ERBB4: variants seen among roughly 807,000 people sequenced by gnomAD.
The protein encoded by ERBB4 is receptor tyrosine-protein kinase erbB-4.
ERBB4 carries 42 observed loss-of-function variants against 158.0 expected under a neutral mutation model. That is an observed-to-expected ratio of 0.27 (90% CI 0.21 to 0.34). ERBB4 has a LOEUF of 0.34. Among genes scored for constraint, ERBB4 ranks in the 10% least tolerant of loss-of-function variants. The pLI, the probability that ERBB4 is intolerant of heterozygous loss-of-function variation, is 1.00. For synonymous variants in ERBB4, 583 were observed against 558.7 expected, an observed-to-expected ratio of 1.04 and a Z score of -0.61; for missense variants, 1,333 against 1,624.1, an observed-to-expected ratio of 0.82 and a Z score of 3.08.
At chr2:212,347,721 G>A (rs972721750) in intron 1 of ERBB4, among the ~76,000 whole-genome samples, 2 of 152,110 alleles carry the variant, frequency 1.3e-5, no homozygotes, top group Non-Finnish European at 2.9e-5. Flanking sequence ...TGCTCAATAA[G>A]TTTTGGGTTT....
intron 1 of ERBB4, among the ~76,000 whole-genome samples, chr2:212,156,978 G>C (rs944281333): frequency 9.2e-5 from 14 of 152,034 alleles, no homozygotes; most frequent in African/African-American, 3.4e-4. Context: ...AACCCTGTTT[G>C]TCTCCAAACT....
intron 3 of ERBB4, among the ~76,000 whole-genome samples, chr2:211,805,375 T>C (rs2076591152): frequency 6.6e-6 from 1 of 152,126 alleles, no homozygotes; most frequent in Non-Finnish European, 1.5e-5. Context: ...GTAATGATAG[T>C]TTCTGGAAAG....
intron 1 of ERBB4, among the ~76,000 whole-genome samples, chr2:212,237,660 T>C (rs2083928401): frequency 6.6e-6 from 1 of 152,218 alleles, no homozygotes. Context: ...CATTTAAGTC[T>C]GCTGAAGCTG....
At chr2:211,427,234 GC>G (rs2063649156) in intron 22 of ERBB4, among the ~76,000 whole-genome samples, 1 of 151,616 alleles carries the variant, frequency 6.6e-6, no homozygotes, top group Non-Finnish European at 1.5e-5. Flanking sequence ...TTCCAACAAT[GC>G]AAAAAAGGTA....
rs529055343 is a variant in ERBB4 at position 212,226,535 on chromosome 2, T to C, written c.83-101632A>G. Among the ~76,000 whole-genome samples the C allele has an allele frequency of 4.0e-4, 61 of 152,262 alleles. 2 individuals carry two copies. The South Asian group carries it at 9.7e-3, about 24-fold the overall frequency. On this transcript the variant is annotated intron_variant, in intron 1 of 27. Coordinates refer to ENST00000342788, the MANE Select transcript of ERBB4 (RefSeq NM_005235.3). ...CTCTAGGAAAGAAACCATAATTATA[T>C]AGTTTTAGGAAAATTTACTAATTCT...
chr2:211,930,620 T>G lies in ERBB4; in HGVS notation c.421+16810A>C, dbSNP rs145881398. On this transcript the variant is annotated intron_variant, in intron 3 of 27. Transcript: ENST00000342788. Reference sequence around the variant, plus strand: ...AGAGACCCAGCCGTGTTATAGCAATTGAGCTACTGAAAACACTATCAGCGA... The same window carrying G: ...AGAGACCCAGCCGTGTTATAGCAATGGAGCTACTGAAAACACTATCAGCGA... Among the ~76,000 whole-genome samples, 28 of 152,238 alleles carry G rather than the reference T, an allele frequency of 1.8e-4. No homozygotes were observed. In the East Asian group the frequency reaches 5.2e-3, roughly 28 times the overall value.
chr2:212,222,538 T>A (rs1040015010), intron 1 of ERBB4, among the ~76,000 whole-genome samples: 6 of 151,550 alleles, frequency 4.0e-5, no homozygotes, highest in African/African-American at 9.7e-5. Context: ...ACTTAACTTT[T>A]TTAAAGCAGC....
chr2:211,948,710 T>G (rs1247748047), intron 2 of ERBB4, among the ~76,000 whole-genome samples: 1 of 152,178 alleles, frequency 6.6e-6, no homozygotes, highest in Non-Finnish European at 1.5e-5. Context: ...GGTATTATTT[T>G]AATACCAATT....
intron 20 of ERBB4, among the ~76,000 whole-genome samples, chr2:211,476,595 A>G (rs1042783381): frequency 3.9e-5 from 6 of 151,956 alleles, no homozygotes; most frequent in African/African-American, 1.2e-4. Context: ...ATGACTTAGA[A>G]TATCATCATT....
intron 2 of ERBB4, among the ~76,000 whole-genome samples, chr2:212,102,723 C>T (rs918965705): frequency 6.6e-6 from 1 of 152,064 alleles, no homozygotes; most frequent in Non-Finnish European, 1.5e-5. Context: ...ATAATATTTC[C>T]TAAGTGGAGC....
intron 2 of ERBB4, among the ~76,000 whole-genome samples, chr2:211,986,492 T>C (rs2081940956): frequency 6.6e-6 from 1 of 152,178 alleles, no homozygotes; most frequent in Non-Finnish European, 1.5e-5. Flanking sequence ...TCATGGCAAC[T>C]GAGATTATAT....
intron 20 of ERBB4, among the ~76,000 whole-genome samples, chr2:211,555,341 A>G (rs573988369): frequency 5.3e-5 from 8 of 152,038 alleles, no homozygotes; most frequent in Non-Finnish European, 8.8e-5. Flanking sequence ...ATGTGCCCCT[A>G]TGCCCGGCTA....
chr2:212,290,570 C>A (rs1343940735), intron 1 of ERBB4, among the ~76,000 whole-genome samples: 2 of 152,130 alleles, frequency 1.3e-5, no homozygotes, highest in African/African-American at 2.4e-5. Flanking sequence ...TCTAGTGGGA[C>A]AAGATCTCTT....
intron 11 of ERBB4, among the ~76,000 whole-genome samples, chr2:211,703,774 A>G (rs1329629862): frequency 2.0e-5 from 3 of 152,206 alleles, no homozygotes; most frequent in Non-Finnish European, 4.4e-5. Flanking sequence ...CACCCAAGCT[A>G]TTAACAAGTC....
chr2:211,768,956 C>A (rs2075624692), intron 4 of ERBB4, among the ~76,000 whole-genome samples: 1 of 152,230 alleles, frequency 6.6e-6, no homozygotes. Flanking sequence ...ATTTGCTGAA[C>A]TTTAATTCTC....
chr2:212,511,168 A>G (rs1041385191), intron 1 of ERBB4, among the ~76,000 whole-genome samples: 6 of 152,214 alleles, frequency 3.9e-5, no homozygotes, highest in African/African-American at 1.2e-4. Context: ...TAGAAGAATT[A>G]AAGATGCCAC....
Position 211,727,399 on chromosome 2 carries a change from C to T in ERBB4, c.623-2205G>A, listed in dbSNP as rs144933780. 2.2e-4 allele frequency among the ~76,000 whole-genome samples: 33 copies of T among 152,002 alleles called. No homozygotes were observed. In the East Asian group the frequency reaches 5.8e-3, roughly 27 times the overall value. On this transcript the variant is annotated intron_variant, in intron 5 of 27. Coordinates refer to ENST00000342788, the MANE Select transcript of ERBB4 (RefSeq NM_005235.3). ...CTATGGGTTTATTGAAGTTTATTGT[C>T]TTACTTAAGTTTTAATTTTCAGTGA...
chr2:211,960,364 A>G (rs2081149019), intron 2 of ERBB4, among the ~76,000 whole-genome samples: 2 of 152,148 alleles, frequency 1.3e-5, no homozygotes. Context: ...CATAAAATAC[A>G]TATAAACCTA....
Position 211,580,889 on chromosome 2 carries a change from A to AG in ERBB4, c.2302-18802_2302-18801insC, listed in dbSNP as rs1185266020. Among the ~76,000 whole-genome samples the AG allele has an allele frequency of 8.3e-4, 61 of 73,122 alleles. 1 individual carries two copies. Among genetic ancestry groups the AG allele is most frequent in the African/African-American group, 4.9e-3 (57 of 11,664 alleles). The allele number at this position is 73,122 out of a possible 152,430, so 48.0% of individuals were successfully genotyped here. ...TACATATATATATATATATATATAT[A>AG]TATATATATATATATATATATATAT... On this transcript the variant is annotated intron_variant, in intron 19 of 27. Coordinates refer to ENST00000342788, the MANE Select transcript of ERBB4 (RefSeq NM_005235.3).
Sources: gnomAD v4.1 joint callset for allele counts (sites outside exome capture counted in the v4.1 genomes callset) on GRCh38, gnomAD v4.1.1 for gene constraint, MANE v1.5 for transcripts, NCBI Gene and HGNC (gene_info 2026-07-23, HGNC 2026-07-21) for gene names.